Variants in RBP4 observed in about 807,000 individuals in gnomAD.
RBP4 encodes the protein retinol-binding protein 4.
A neutral mutation model predicts 26.2 loss-of-function variants in RBP4; 9 were observed. The ratio of observed to expected loss-of-function variants is 0.34; its 90% CI spans 0.21 to 0.60. The LOEUF (loss-of-function observed/expected upper bound fraction) is 0.60, where lower values mean the gene tolerates loss of function less well. RBP4 is among the 20% of genes least tolerant of loss of function. The probability of loss-of-function intolerance (pLI) is 0.80; values close to 1 mark genes in which losing one functional copy is unlikely to be tolerated. For missense variants in RBP4, 244 were observed against 271.3 expected (o/e 0.90, Z 0.71); for synonymous variants, 114 against 111.0 (o/e 1.03, Z -0.17).
chr10:93,600,801 G>C lies in RBP4; in HGVS notation c.114C>G (p.Phe38Leu). The change falls in exon 3 of 6, where the codon TTC becomes TTG. Residue 38 changes from phenylalanine to leucine, a missense_variant and splice_region_variant. Phe to Leu is a conservative substitution (Grantham distance 22). Transcript: ENST00000371464. ...RVKENFDKAR[F>L]SGTWYAMAKK... Reference sequence around the variant, plus strand: ...TGGCCATGGCGTACCAGGTCCCAGAGAACTGTGAGAAGGATGACAGCAGGG... The same window carrying C: ...TGGCCATGGCGTACCAGGTCCCAGACAACTGTGAGAAGGATGACAGCAGGG... The C allele has an allele frequency of 6.6e-7, 1 of 1,526,222 alleles. No homozygotes were observed. The highest frequency in any genetic ancestry group is 8.9e-7 in the Non-Finnish European group (1 of 1,126,100). 94.5% of individuals were successfully genotyped at this position (1,526,222 alleles called of 1,614,324 possible).
chr10:93,601,239 C>G, upstream of RBP4: 3 of 1,227,798 alleles, frequency 2.4e-6, no homozygotes, highest in Non-Finnish European at 3.0e-6. Flanking sequence ...GGGAGGCGAG[C>G]GCGCCGCGGC....
rs2058285884 is a variant in RBP4, at chr10:93,593,987, T to G, written c.404A>C (p.Gln135Pro). Residue 135 changes from glutamine to proline, a missense_variant, in exon 5 of 6, where the codon CAG becomes CCG. Transcript: ENST00000371464. Reference sequence around the variant, plus strand: ...GAGGTTCAGGAGGCGGCAGGAGTACTGCACGGCATACGTGTCGTAGTCTGT... The same window carrying G: ...GAGGTTCAGGAGGCGGCAGGAGTACGGCACGGCATACGTGTCGTAGTCTGT... ...VDTDYDTYAV[Q>P]YSCRLLNLDG... is the part of the protein sequence containing the mutation. 6.2e-7 allele frequency: 1 copy of G among 1,614,000 alleles called. No homozygotes were observed. Among genetic ancestry groups the G allele is most frequent in the Non-Finnish European group, 8.5e-7 (1 of 1,180,038 alleles).
Position 93,600,356 on chromosome 10 carries a change from C to G in RBP4, c.355+37G>C, listed in dbSNP as rs775357336. 2.5e-6 allele frequency: 4 copies of G among 1,573,334 alleles called. No homozygotes were observed. In the African/African-American group the frequency reaches 5.4e-5, roughly 21 times the overall value. On this transcript the variant is annotated intron_variant, in intron 4 of 5. Coordinates refer to ENST00000371464, the MANE Select transcript of RBP4 (RefSeq NM_006744.4). ...CCAGCGATTTGGCCCGGTAGGCGCC[C>G]CATTCCCAAGACAGTCCCACAGAGC... is the stretch of plus-strand genomic sequence containing the variant.
chr10:93,600,311 G>A, intron 4 of RBP4, 82 bp downstream of exon 4: 1 of 1,177,038 alleles, frequency 8.5e-7, no homozygotes, highest in Non-Finnish European at 1.3e-6. Flanking sequence ...CCTAAGGGTA[G>A]GTACCTCTGG....
At chr10:93,598,846 T>C (rs2058317604) in intron 4 of RBP4, among the ~76,000 whole-genome samples, 1 of 152,216 alleles carries the variant, frequency 6.6e-6, no homozygotes, top group African/African-American at 2.4e-5. Context: ...TGTAATCCAT[T>C]ATCAGAAAAG....
intron 4 of RBP4, among the ~76,000 whole-genome samples, chr10:93,596,982 A>G (rs1460080181): frequency 6.6e-6 from 1 of 152,220 alleles, no homozygotes. Flanking sequence ...AAGTGAGTGG[A>G]GTCTGAGGCC....
rs548499093 is a variant in RBP4 at position 93,591,761 on chromosome 10, C to A, written c.*314G>T. The A allele has an allele frequency of 2.8e-6, 1 of 352,832 alleles. No homozygotes were observed. The highest frequency in any genetic ancestry group is 5.2e-6 in the Non-Finnish European group (1 of 190,958). The allele number at this position is 352,832 out of a possible 1,614,324, so 21.9% of individuals were successfully genotyped here. A position where few individuals can be genotyped will look rare whatever the true frequency, so the allele number is the denominator to read the frequency against. On this transcript the variant is annotated 3_prime_UTR_variant, in exon 6 of 6. Transcript: ENST00000371464. ...ACAGGCCAAAGGTCAGAAAGAGCCACGTGCTCCTGGTATAAAGAAGCGCAC... is the reference window on the plus strand; with the variant it reads ...ACAGGCCAAAGGTCAGAAAGAGCCAAGTGCTCCTGGTATAAAGAAGCGCAC...
Position 93,593,059 on chromosome 10 carries a change from C to T in RBP4, c.568+764G>A, listed in dbSNP as rs551893032. On this transcript the variant is annotated intron_variant, in intron 5 of 5. Coordinates refer to ENST00000371464, the MANE Select transcript of RBP4 (RefSeq NM_006744.4). ...TCTTGAACTCCTGACCTCATGTGATCAGCCCACCTCGGCCTCCAAAAGTGC... is the reference window on the plus strand; with the variant it reads ...TCTTGAACTCCTGACCTCATGTGATTAGCCCACCTCGGCCTCCAAAAGTGC... 4.6e-5 allele frequency among the ~76,000 whole-genome samples: 7 copies of T among 152,300 alleles called. No individual in the cohort carries two copies. The South Asian group carries it at 1.5e-3, about 32-fold the overall frequency.
intron 1 of RBP4, 30 bp downstream of exon 1, chr10:93,601,125 CCCGGCCCATCCCGCCG>C: frequency 2.0e-6 from 3 of 1,510,064 alleles, no homozygotes; most frequent in Non-Finnish European, 2.6e-6. Flanking sequence ...CCCACCCCAC[CCCGGCCCATCCCGCCG>C]CCGGCCCCGA....
intron 4 of RBP4, among the ~76,000 whole-genome samples, chr10:93,595,046 G>C (rs868491217): frequency 2.0e-4 from 30 of 152,108 alleles, no homozygotes; most frequent in African/African-American, 7.2e-4. Flanking sequence ...GGCTGAGGCG[G>C]CAGGATCGTT....
intron 4 of RBP4, 86 bp downstream of exon 4, chr10:93,600,307 G>A (rs924710989): frequency 1.1e-5 from 13 of 1,144,488 alleles, no homozygotes; most frequent in Non-Finnish European, 1.6e-5. Context: ...TCTTCCTAAG[G>A]GTAGGTACCT....
chr10:93,601,068 C>G, intron 1 of RBP4, 22 bp from the exon 2 acceptor site: 1 of 1,599,042 alleles, frequency 6.3e-7, no homozygotes, highest in Non-Finnish European at 8.5e-7. Context: ...GCGCCTCCGT[C>G]AGTGCCCGGC....
In RBP4 at chr10:93,591,784, C is replaced by G. The variant is rs2134565040; in HGVS notation, c.*291G>C. 2.4e-6 allele frequency: 1 copy of G among 416,180 alleles called. No homozygotes were observed. 25.8% of individuals were successfully genotyped at this position (416,180 alleles called of 1,614,324 possible). A position where few individuals can be genotyped will look rare whatever the true frequency, so the allele number is the denominator to read the frequency against. On this transcript the variant is annotated 3_prime_UTR_variant, in exon 6 of 6. Coordinates refer to ENST00000371464, the MANE Select transcript of RBP4 (RefSeq NM_006744.4). Reference sequence around the variant, plus strand: ...CACGTGCTCCTGGTATAAAGAAGCGCACCCCACCCATCCGTCTGCAGCACA... The same window carrying G: ...CACGTGCTCCTGGTATAAAGAAGCGGACCCCACCCATCCGTCTGCAGCACA...
chr10:93,599,737 G>T (rs68133882), intron 4 of RBP4, among the ~76,000 whole-genome samples: 23,418 of 152,066 alleles, frequency 0.15, 1,955 homozygotes, highest in South Asian at 0.34. Context: ...TAGGATAAAT[G>T]GGGAAAAAAA....
chr10:93,600,774 C>T lies in RBP4; in HGVS notation c.141G>A (p.Lys47=), dbSNP rs769248272. Residue 47 remains lysine, a synonymous_variant, in exon 3 of 6, where the codon AAG becomes AAA. Transcript: ENST00000371464. Reference sequence around the variant, plus strand: ...GCAGAAAGAGGCCCTCGGGGTCCTTCTTGGCCATGGCGTACCAGGTCCCAG... The same window carrying T: ...GCAGAAAGAGGCCCTCGGGGTCCTTTTTGGCCATGGCGTACCAGGTCCCAG... ...RFSGTWYAMA[K]KDPEGLFLQD... is the part of the protein sequence containing the mutation. 2.9e-5 allele frequency: 47 copies of T among 1,608,170 alleles called. No homozygotes were observed. Among genetic ancestry groups the T allele is most frequent in the Admixed American group, 6.7e-5 (4 of 59,546 alleles).
chr10:93,595,184 C>A (rs1359770977), intron 4 of RBP4, among the ~76,000 whole-genome samples: 1 of 152,102 alleles, frequency 6.6e-6, no homozygotes, highest in East Asian at 1.9e-4. Flanking sequence ...GAGCGATTTG[C>A]CACAGAGAAA....
rs2058334082 is a variant in RBP4, at chr10:93,600,969, G to A, written c.60C>T (p.Arg20=). 1.2e-6 allele frequency: 2 copies of A among 1,612,270 alleles called. No individual in the cohort carries two copies. Among genetic ancestry groups the A allele is most frequent in the Admixed American group, 1.7e-5 (1 of 59,982 alleles). Residue 20 remains arginine (R), a synonymous_variant, in exon 2 of 6, where the codon CGC becomes CGT. Coordinates refer to ENST00000371464, the MANE Select transcript of RBP4 (RefSeq NM_006744.4). Reference sequence around the variant, plus strand: ...CTCGGAAGCTGCTCACTCGGCAGTCGCGCTCCGCGCGGCCGCTGCCCAGCG... The same window carrying A: ...CTCGGAAGCTGCTCACTCGGCAGTCACGCTCCGCGCGGCCGCTGCCCAGCG... ...LAALGSGRAE[R]DCRVSSFRVK... is the part of the protein sequence containing the mutation.
chr10:93,601,511 G>T, upstream of RBP4: 2 of 686,734 alleles, frequency 2.9e-6, no homozygotes, highest in South Asian at 2.0e-5. Context: ...GCCAGCGGCC[G>T]CCAGCTGCGG....
intron 4 of RBP4, among the ~76,000 whole-genome samples, chr10:93,595,441 G>A (rs972881643): frequency 3.9e-5 from 6 of 152,204 alleles, no homozygotes; most frequent in Non-Finnish European, 7.3e-5. Context: ...GGGTCACAAA[G>A]AGCAGGGCAG....
Sources: allele counts gnomAD v4.1 joint callset (sites outside exome capture counted in the v4.1 genomes callset), GRCh38; gene constraint gnomAD v4.1.1; transcripts MANE v1.5; gene names NCBI Gene and HGNC (gene_info 2026-07-23, HGNC 2026-07-21).